ELFN2: variants seen among roughly 807,000 people sequenced by gnomAD.
ELFN2 encodes the protein extracellular leucine rich repeat and fibronectin type III domain containing 2.
In ELFN2, 17 loss-of-function variants were observed where a neutral mutation model predicts 45.5. The observed-to-expected ratio is 0.37, with a 90% CI of 0.26 to 0.56. The LOEUF (loss-of-function observed/expected upper bound fraction) is 0.56, where lower values mean the gene tolerates loss of function less well. Ranked by LOEUF, ELFN2 falls within the 20% of genes least tolerant of loss-of-function variation. The pLI is 0.77. For missense variants in ELFN2, 922 were observed against 1,183.2 expected, an observed-to-expected ratio of 0.78 and a Z score of 3.24; for synonymous variants, 550 against 551.5, an observed-to-expected ratio of 1.00 and a Z score of 0.04.
At chr22:37,342,231 C>T (rs576727750) in intron 2 of ELFN2, among the ~76,000 whole-genome samples, 2 of 152,318 alleles carry the variant, frequency 1.3e-5, no homozygotes, top group Admixed American at 1.3e-4. Context: ...CCATCCCCTG[C>T]TCAAAAACCT....
chr22:37,417,110 G>A lies in ELFN2; in HGVS notation c.-463+659C>T, dbSNP rs1295567836. On this transcript the variant is annotated intron_variant, in intron 2 of 2. Coordinates refer to ENST00000402918, the MANE Select transcript of ELFN2 (RefSeq NM_052906.5). The surrounding 1 kb of genome is among the most constrained non-coding windows in gnomAD (Gnocchi z 4.5). ...CGTGGCCGCCACCAACACAGCCTCGGTGACAGCCCCAGCCTCTCCTCTCCT... is the reference window on the plus strand; with the variant it reads ...CGTGGCCGCCACCAACACAGCCTCGATGACAGCCCCAGCCTCTCCTCTCCT... 2.0e-5 allele frequency among the ~76,000 whole-genome samples: 3 copies of A among 151,796 alleles called. No homozygotes were observed. Among genetic ancestry groups the A allele is most frequent in the Non-Finnish European group, 4.4e-5 (3 of 67,964 alleles).
chr22:37,373,285 G>A lies in ELFN2; in HGVS notation c.2250C>T (p.His750=), dbSNP rs769378319. 2 of 1,613,750 alleles carry A rather than the reference G, an allele frequency of 1.2e-6. No individual in the cohort carries two copies. The highest frequency in any genetic ancestry group is 1.7e-6 in the Non-Finnish European group (2 of 1,179,884). ...DSTYSQLSPR[H]YYSGYSSSPE... ...GGCTGGAGGAGTACCCTGAGTAGTA[G>A]TGTCTGGGGGAGAGCTGCGAGTAGG... The change falls in exon 3 of 3, where the codon CAC becomes CAT. Residue 750 remains histidine, a synonymous_variant. Coordinates refer to ENST00000402918, the MANE Select transcript of ELFN2 (RefSeq NM_052906.5).
intron 2 of ELFN2, among the ~76,000 whole-genome samples, chr22:37,383,656 G>A (rs532693491): frequency 1.3e-5 from 2 of 152,336 alleles, no homozygotes; most frequent in East Asian, 1.9e-4. Flanking sequence ...CCAAGCAGCC[G>A]CACACCCACC....
In ELFN2 at chr22:37,399,109, A is replaced by G. The variant is rs149604547; in HGVS notation, c.-463+18660T>C. On this transcript the variant is annotated intron_variant, in intron 2 of 2. Transcript: ENST00000402918. ...GGATCCTCCCTCCCCACTCCCAGGG[A>G]TGGGCACGTGAGCTTCTTACCCCTC... is the stretch of plus-strand genomic sequence containing the variant. 6.0e-4 allele frequency among the ~76,000 whole-genome samples: 91 copies of G among 152,096 alleles called. 2 individuals are homozygous for G. In the East Asian group the frequency reaches 0.017, roughly 28 times the overall value.
At chr22:37,343,786 C>T (rs987377657) in intron 1 of ELFN2, among the ~76,000 whole-genome samples, 63 of 151,496 alleles carry the variant, frequency 4.2e-4, no homozygotes, top group Middle Eastern at 3.2e-3. Flanking sequence ...CTATCTAGCC[C>T]CTCCAGCTCC....
At chr22:37,406,939 G>A (rs146000050) in intron 2 of ELFN2, among the ~76,000 whole-genome samples, 1 of 152,312 alleles carries the variant, frequency 6.6e-6, no homozygotes, top group African/African-American at 2.4e-5. Context: ...CCTTCCCAAG[G>A]TTCCCGCCCC....
chr22:37,420,959 A>G lies in ELFN2; in HGVS notation c.-613-3040T>C, dbSNP rs148896734. Among the ~76,000 whole-genome samples the G allele has an allele frequency of 5.2e-3, 786 of 152,256 alleles. 6 individuals carry two copies. The highest frequency in any genetic ancestry group is 5.5e-3 in the Non-Finnish European group (377 of 68,024). ...AACATGCAGCTGCCATCCAACCAGC[A>G]AATGTGAGTGAATTAATCTTCGGGA... On this transcript the variant is annotated intron_variant, in intron 1 of 2. Transcript: ENST00000402918.
In ELFN2 at chr22:37,373,430, G is replaced by C. The variant is rs368547931; in HGVS notation, c.2105C>G (p.Ala702Gly). Residue 702 changes from alanine (A) to glycine (G), a missense_variant, in exon 3 of 3, where the codon GCC (alanine) becomes GGC (glycine). Transcript: ENST00000402918. ...GGIHHLEVKP[A>G]YHCSEHRHSF... Reference sequence around the variant, plus strand: ...GTGCCGGTGCTCGCTGCAGTGGTAGGCCGGCTTCACCTCCAGGTGGTGGAT... The same window carrying C: ...GTGCCGGTGCTCGCTGCAGTGGTAGCCCGGCTTCACCTCCAGGTGGTGGAT... 1.3e-6 allele frequency: 2 copies of C among 1,558,298 alleles called. No homozygotes were observed. The highest frequency in any genetic ancestry group is 2.7e-5 in the African/African-American group (2 of 73,706).
intron 2 of ELFN2, among the ~76,000 whole-genome samples, chr22:37,397,953 C>T (rs1216501299): frequency 6.6e-6 from 1 of 152,156 alleles, no homozygotes; most frequent in African/African-American, 2.4e-5. Context: ...TCTGAGCGGA[C>T]GTCTGCACTG....
intron 2 of ELFN2, chr22:37,385,154 C>T (rs1269963100): frequency 6.6e-6 from 1 of 152,248 alleles, no homozygotes; most frequent in Non-Finnish European, 1.5e-5. Flanking sequence ...GAGAGGTAGC[C>T]CGGGGAGGGA....
intron 1 of ELFN2, among the ~76,000 whole-genome samples, chr22:37,419,851 C>A (rs1932795662): frequency 6.6e-6 from 1 of 152,184 alleles, no homozygotes; most frequent in African/African-American, 2.4e-5. Flanking sequence ...ACCCCCTCGC[C>A]AGCAACTCGC....
intron 1 of ELFN2, among the ~76,000 whole-genome samples, chr22:37,423,234 T>TG (rs1214549092): frequency 2.6e-5 from 4 of 151,914 alleles, no homozygotes; most frequent in Non-Finnish European, 5.9e-5. Context: ...GGGAATGGGA[T>TG]GGGGGGTTGA....
chr22:37,350,063 G>A (rs951387598), intron 1 of ELFN2, among the ~76,000 whole-genome samples: 19 of 151,014 alleles, frequency 1.3e-4, no homozygotes, highest in African/African-American at 3.9e-4. Flanking sequence ...TGCCTGGGCT[G>A]TGGTACGCAG....
chr22:37,380,983 TTTCCAGCACAATGAGCCCTTAC>T (rs1367946986), intron 2 of ELFN2, among the ~76,000 whole-genome samples: 1 of 152,128 alleles, frequency 6.6e-6, no homozygotes, highest in African/African-American at 2.4e-5. Flanking sequence ...ACTTTTTGGA[TTTCCAGCACAATGAGCCCTTAC>T]TGCAGGGCAT....
intron 2 of ELFN2, among the ~76,000 whole-genome samples, chr22:37,381,168 GAATCTT>G (rs1931751127): frequency 6.6e-6 from 1 of 151,970 alleles, no homozygotes; most frequent in Non-Finnish European, 1.5e-5. Context: ...GATGTTCCTC[GAATCTT>G]ATATCAACCC....
chr22:37,423,669 T>G (rs993260417), intron 1 of ELFN2, among the ~76,000 whole-genome samples: 1 of 152,186 alleles, frequency 6.6e-6, no homozygotes, highest in Non-Finnish European at 1.5e-5. Context: ...TAATATTAGC[T>G]GATATCATTA....
At chr22:37,426,279 C>T (rs965576739) in intron 1 of ELFN2, among the ~76,000 whole-genome samples, 19 of 152,208 alleles carry the variant, frequency 1.2e-4, no homozygotes, top group Admixed American at 6.5e-4. Flanking sequence ...CCTCCTTGGG[C>T]ACGCCTGACA....
intron 1 of ELFN2, among the ~76,000 whole-genome samples, chr22:37,352,780 C>A (rs1449173498): frequency 6.6e-6 from 1 of 150,742 alleles, no homozygotes; most frequent in Non-Finnish European, 1.5e-5. Context: ...GATGGGCACT[C>A]CTGGAAGGAG....
chr22:37,374,793 C>A lies in ELFN2; in HGVS notation c.742G>T (p.Gly248Cys). ...CTCACGGGCCGGGCGGGCAGCGAGCCATTCCGACACTTGGCCTGGAGTACG... is the reference window on the plus strand; with the variant it reads ...CTCACGGGCCGGGCGGGCAGCGAGCAATTCCGACACTTGGCCTGGAGTACG... ...ITVLQAKCRN[G>C]SLPARPVSHP... Residue 248 changes from glycine to cysteine, a missense_variant, in exon 3 of 3, where the codon GGC becomes TGC. Coordinates refer to ENST00000402918, the MANE Select transcript of ELFN2 (RefSeq NM_052906.5). 6.2e-7 allele frequency: 1 copy of A among 1,607,338 alleles called. No homozygotes were observed. Among genetic ancestry groups the A allele is most frequent in the Non-Finnish European group, 8.5e-7 (1 of 1,179,274 alleles).
Sources: allele counts gnomAD v4.1 joint callset (sites outside exome capture counted in the v4.1 genomes callset), GRCh38; gene constraint gnomAD v4.1.1; non-coding constraint Gnocchi (gnomAD v3.1); transcripts MANE v1.5; gene names NCBI Gene and HGNC (gene_info 2026-07-23, HGNC 2026-07-21).